Variants in NEBL observed in about 807,000 individuals in gnomAD.
The protein encoded by NEBL is nebulette.
In NEBL, 122 loss-of-function variants were observed where a neutral mutation model predicts 140.2. That is an observed-to-expected ratio of 0.87 (90% CI 0.75 to 1.01). The LOEUF (loss-of-function observed/expected upper bound fraction) is 1.01. NEBL is among the 50% of genes least tolerant of loss of function. The pLI, the probability that NEBL is intolerant of heterozygous loss-of-function variation, is 0.00. For synonymous variants in NEBL, 436 were observed against 398.9 expected, an observed-to-expected ratio of 1.09 and a Z score of -1.11; for missense variants, 1,365 against 1,231.3, an observed-to-expected ratio of 1.11 and a Z score of -1.62.
At position 20,810,975 on chromosome 10, in the gene NEBL, G is replaced by A. The variant is rs114985052; in HGVS notation, c.2519-1077C>T. Among the ~76,000 whole-genome samples the A allele has an allele frequency of 3.9e-3, 591 of 152,294 alleles. 5 individuals are homozygous for A. The highest frequency in any genetic ancestry group is 0.014 in the African/African-American group (563 of 41,566). On this transcript the variant is annotated intron_variant, in intron 24 of 27. Transcript: ENST00000377122. ...TAGCTTGGCCAAGGTTACACAGCTC[G>A]TAAGAAGTAGCAGAGCCTCCAACAA...
At chr10:21,176,123 C>A (rs1187792687), upstream of NEBL, among the ~76,000 whole-genome samples, 1 of 152,036 alleles carries the variant, frequency 6.6e-6, no homozygotes, top group African/African-American at 2.4e-5. Context: ...CCGTCTCAGT[C>A]TCCTGAGTAC....
intron 3 of NEBL, among the ~76,000 whole-genome samples, chr10:20,967,476 A>C (rs1836371531): frequency 6.6e-6 from 1 of 152,172 alleles, no homozygotes; most frequent in Non-Finnish European, 1.5e-5. Context: ...CAAAATACAA[A>C]AATTAGCCGG....
intron 4 of NEBL, among the ~76,000 whole-genome samples, chr10:20,924,867 C>T (rs1268152684): frequency 3.3e-5 from 5 of 151,842 alleles, no homozygotes; most frequent in African/African-American, 1.2e-4. Flanking sequence ...CTGCAGGAGT[C>T]GAGGGGTACA....
chr10:20,978,754 CAAA>C (rs60280860), intron 3 of NEBL, among the ~76,000 whole-genome samples: 1 of 133,960 alleles, frequency 7.5e-6, no homozygotes, highest in Admixed American at 7.7e-5. Flanking sequence ...GACCCTATCT[CAAA>C]AAAAAAAAAA....
At chr10:20,916,779 T>C (rs1348100022) in intron 4 of NEBL, among the ~76,000 whole-genome samples, 1 of 152,190 alleles carries the variant, frequency 6.6e-6, no homozygotes, top group Non-Finnish European at 1.5e-5. Context: ...TGCGTGCCCA[T>C]CTGAAGTTCC....
chr10:20,789,898 T>C (rs1191395145), intron 26 of NEBL, among the ~76,000 whole-genome samples: 3 of 150,458 alleles, frequency 2.0e-5, no homozygotes, highest in African/African-American at 7.3e-5. Flanking sequence ...TATATATATG[T>C]ATAGATATAT....
chr10:20,947,160 C>G (rs1294124196), intron 4 of NEBL, among the ~76,000 whole-genome samples: 3 of 152,130 alleles, frequency 2.0e-5, no homozygotes, highest in African/African-American at 4.8e-5. Context: ...TTCAGCAATG[C>G]CTGTGGATGT....
Position 20,880,800 on chromosome 10 carries a change from C to CT in NEBL, c.473dup (p.Ser159GlufsTer2). On this transcript the variant is annotated frameshift_variant, in exon 5 of 28. Transcript: ENST00000377122. LOFTEE classifies it high-confidence loss of function. Reference sequence around the variant, plus strand: ...GAGAAATGCGCTTCCTTACATTACTCTGGTGTTTATTGACCTCCATGGCAT... The same window carrying CT: ...GAGAAATGCGCTTCCTTACATTACTCTTGGTGTTTATTGACCTCCATGGCAT... 6.2e-7 allele frequency: 1 copy of CT among 1,608,144 alleles called. No homozygotes were observed. The highest frequency in any genetic ancestry group is 2.2e-5 in the East Asian group (1 of 44,836).
At chr10:21,286,133 G>A (rs990518041) in intron 1 of NEBL, among the ~76,000 whole-genome samples, 2 of 152,114 alleles carry the variant, frequency 1.3e-5, no homozygotes, top group African/African-American at 4.8e-5. Context: ...TGAATGAATG[G>A]ATTTTATTTT....
chr10:21,243,023 C>A (rs373248378), intron 3 of NEBL, among the ~76,000 whole-genome samples: 30 of 152,074 alleles, frequency 2.0e-4, no homozygotes, highest in African/African-American at 5.6e-4. Context: ...GTCTCAGAAG[C>A]CTTTGACCTT....
chr10:20,922,829 T>G (rs1833658919), intron 4 of NEBL, among the ~76,000 whole-genome samples: 1 of 152,068 alleles, frequency 6.6e-6, no homozygotes, highest in African/African-American at 2.4e-5. Context: ...CCAAGTCAAT[T>G]AAAGGGAAAG....
At chr10:20,859,174 T>A (rs556598654) in intron 8 of NEBL, among the ~76,000 whole-genome samples, 9 of 152,246 alleles carry the variant, frequency 5.9e-5, no homozygotes, top group African/African-American at 2.2e-4. Flanking sequence ...CTAACAAGAA[T>A]TTAAAACATC....
rs551684547 is a variant in NEBL, at chr10:21,070,955, T to A, written c.165-50754A>T. Among the ~76,000 whole-genome samples the A allele has an allele frequency of 1.3e-4, 19 of 151,948 alleles. No homozygotes were observed. The South Asian group carries it at 3.5e-3, about 28-fold the overall frequency. On this transcript the variant is annotated intron_variant, in intron 2 of 6. Transcript: ENST00000417816. ...ACTTTGGGAGACTGAGGTGGGAGGA[T>A]CTCTTGAGGCCAGGAGTTCAAAACC...
intron 2 of NEBL, among the ~76,000 whole-genome samples, chr10:21,080,432 C>G (rs183243450): frequency 9.9e-5 from 15 of 152,280 alleles, no homozygotes; most frequent in Admixed American, 3.9e-4. Flanking sequence ...GGGACTAACT[C>G]TGGCATATAA....
At chr10:21,003,358 C>G (rs902007350) in intron 3 of NEBL, among the ~76,000 whole-genome samples, 2 of 152,202 alleles carry the variant, frequency 1.3e-5, no homozygotes, top group African/African-American at 4.8e-5. Context: ...TGTTTCTGTT[C>G]CATTGTCTCC....
intron 2 of NEBL, among the ~76,000 whole-genome samples, chr10:21,156,453 C>T (rs576811528): frequency 3.0e-4 from 46 of 152,268 alleles, no homozygotes; most frequent in African/African-American, 9.6e-4. Flanking sequence ...GTTTTCAAAA[C>T]ACACATTAAT....
intron 3 of NEBL, among the ~76,000 whole-genome samples, chr10:21,196,890 C>T (rs1398891392): frequency 3.9e-5 from 6 of 152,208 alleles, no homozygotes; most frequent in Non-Finnish European, 7.3e-5. Context: ...CTGTATAATG[C>T]TATCTTTCCT....
At chr10:20,891,617 T>A (rs972504395) in intron 2 of NEBL, among the ~76,000 whole-genome samples, 6 of 152,222 alleles carry the variant, frequency 3.9e-5, no homozygotes, top group Non-Finnish European at 5.9e-5. Flanking sequence ...GAGGACTGGA[T>A]AAGGGTGAGG....
At chr10:21,131,397 C>CTAA in intron 2 of NEBL, among the ~76,000 whole-genome samples, 1 of 152,144 alleles carries the variant, frequency 6.6e-6, no homozygotes, top group South Asian at 2.1e-4. Context: ...CTTACGACAC[C>CTAA]CTCATTGCCC....
Sources: gnomAD v4.1 joint callset for allele counts (sites outside exome capture counted in the v4.1 genomes callset) on GRCh38, gnomAD v4.1.1 for gene constraint, MANE v1.5 for transcripts, NCBI Gene and HGNC (gene_info 2026-07-23, HGNC 2026-07-21) for gene names.